CSMD3: variants seen among roughly 807,000 people sequenced by gnomAD.
CSMD3 encodes the protein CUB and Sushi multiple domains 3.
In CSMD3, 177 loss-of-function variants were observed where a neutral mutation model predicts 435.2. That is an observed-to-expected ratio of 0.41 (90% CI 0.36 to 0.46). The LOEUF (loss-of-function observed/expected upper bound fraction) is 0.46. Ranked by LOEUF, CSMD3 falls within the 20% of genes least tolerant of loss-of-function variation. The pLI is 0.34. For missense variants in CSMD3, 4,265 were observed against 4,504.6 expected (o/e 0.95, Z 1.52); for synonymous variants, 1,656 against 1,520.5 (o/e 1.09, Z -2.07).
At chr8:112,359,141 C>G (rs1481884366) in intron 38 of CSMD3, among the ~76,000 whole-genome samples, 3 of 152,096 alleles carry the variant, frequency 2.0e-5, no homozygotes, top group African/African-American at 4.8e-5. Flanking sequence ...TCAGGCTAAT[C>G]TAATGCATAT....
In CSMD3 at chr8:113,135,592, T is replaced by A. The variant is rs79915743; in HGVS notation, c.710-36629A>T. Among the ~76,000 whole-genome samples, 779 of 151,894 alleles carry A rather than the reference T, an allele frequency of 5.1e-3. 3 individuals are homozygous for A. The highest frequency in any genetic ancestry group is 8.2e-3 in the Non-Finnish European group (555 of 67,846). ...CCAGTGAGAGTATGTGTGTTTCTTA[T>A]CACTATATATTTAAAATATGTATTA... is the stretch of plus-strand genomic sequence containing the variant. On this transcript the variant is annotated intron_variant, in intron 4 of 70. Coordinates refer to ENST00000297405, the MANE Select transcript of CSMD3 (RefSeq NM_198123.2).
chr8:112,598,099 G>T (rs958845413), intron 22 of CSMD3, among the ~76,000 whole-genome samples: 20 of 148,616 alleles, frequency 1.3e-4, no homozygotes, highest in African/African-American at 4.5e-4. Context: ...CAGATGACAT[G>T]ATTGTATATC....
chr8:113,078,996 A>C (rs1452826242), intron 5 of CSMD3, among the ~76,000 whole-genome samples: 1 of 152,218 alleles, frequency 6.6e-6, no homozygotes, highest in Non-Finnish European at 1.5e-5. Flanking sequence ...GTTTAAAAAA[A>C]AGATGTTTGC....
At chr8:113,089,373 TA>T (rs2131501025) in intron 5 of CSMD3, among the ~76,000 whole-genome samples, 1 of 77,890 alleles carries the variant, frequency 1.3e-5, no homozygotes, top group East Asian at 2.2e-3. Flanking sequence ...CTAAGGTAGC[TA>T]TTTTTTTCTA....
intron 27 of CSMD3, among the ~76,000 whole-genome samples, chr8:112,526,013 T>C (rs538837079): frequency 1.3e-5 from 2 of 149,762 alleles, no homozygotes; most frequent in African/African-American, 2.4e-5. Flanking sequence ...GTTTGAACTT[T>C]CATTCTTCTA....
intron 1 of CSMD3, among the ~76,000 whole-genome samples, chr8:113,317,640 T>A (rs1466332205): frequency 2.0e-5 from 3 of 152,198 alleles, no homozygotes; most frequent in Non-Finnish European, 4.4e-5. Flanking sequence ...AAAGGAGTTT[T>A]AAATATTTTA....
intron 4 of CSMD3, among the ~76,000 whole-genome samples, chr8:113,131,848 C>A (rs2091291643): frequency 6.6e-6 from 1 of 152,214 alleles, no homozygotes; most frequent in Admixed American, 6.5e-5. Context: ...GGCAGAACTG[C>A]CCAAGGATTT....
intron 13 of CSMD3, among the ~76,000 whole-genome samples, chr8:112,745,093 C>T (rs1230484538): frequency 6.6e-6 from 1 of 152,028 alleles, no homozygotes; most frequent in Non-Finnish European, 1.5e-5. Context: ...GCAAAACAGA[C>T]CTGAAACAAA....
chr8:112,529,617 T>A (rs1825327199), intron 27 of CSMD3, among the ~76,000 whole-genome samples: 1 of 151,912 alleles, frequency 6.6e-6, no homozygotes, highest in African/African-American at 2.4e-5. Context: ...AATCCAGCTG[T>A]CTGTTTCTCC....
chr8:113,248,094 A>G (rs2093294730), intron 3 of CSMD3, among the ~76,000 whole-genome samples: 1 of 152,072 alleles, frequency 6.6e-6, no homozygotes, highest in South Asian at 2.1e-4. Flanking sequence ...AATCAAATTT[A>G]TTCCACTGAC....
At chr8:112,542,746 C>G (rs993166768) in intron 27 of CSMD3, among the ~76,000 whole-genome samples, 1 of 151,980 alleles carries the variant, frequency 6.6e-6, no homozygotes, top group Non-Finnish European at 1.5e-5. Context: ...CCAAAAATAA[C>G]TTGAATAGTC....
intron 3 of CSMD3, among the ~76,000 whole-genome samples, chr8:113,196,140 T>A (rs190669641): frequency 6.6e-6 from 1 of 151,320 alleles, no homozygotes; most frequent in African/African-American, 2.4e-5. Flanking sequence ...TTTTCTCTCT[T>A]AAGCTATTAG....
At chr8:112,318,993 G>T in intron 46 of CSMD3, 43 bp from the exon 47 acceptor site, 2 of 1,093,832 alleles carry the variant, frequency 1.8e-6, no homozygotes, top group Non-Finnish European at 2.8e-6. Flanking sequence ...GCAACAAGGT[G>T]ATGATAAAAA....
At chr8:113,034,752 C>T (rs934298132) in intron 5 of CSMD3, among the ~76,000 whole-genome samples, 2 of 151,948 alleles carry the variant, frequency 1.3e-5, no homozygotes, top group Non-Finnish European at 2.9e-5. Context: ...GAGAATATAC[C>T]ATGCAAATAT....
At chr8:113,086,476 C>A (rs1391557260) in intron 5 of CSMD3, among the ~76,000 whole-genome samples, 1 of 152,014 alleles carries the variant, frequency 6.6e-6, no homozygotes, top group African/African-American at 2.4e-5. Flanking sequence ...AATAACAATT[C>A]TTCATAAACA....
At chr8:113,252,676 A>G (rs1217434528) in intron 3 of CSMD3, among the ~76,000 whole-genome samples, 2 of 152,112 alleles carry the variant, frequency 1.3e-5, no homozygotes, top group Non-Finnish European at 2.9e-5. Flanking sequence ...TCTTGGGAAA[A>G]GATTTTGAAA....
At chr8:112,591,260 A>T (rs1048944945) in intron 22 of CSMD3, among the ~76,000 whole-genome samples, 1 of 152,130 alleles carries the variant, frequency 6.6e-6, no homozygotes, top group Non-Finnish European at 1.5e-5. Flanking sequence ...GCTGAATATG[A>T]AAATAATATG....
chr8:112,833,616 C>G (rs1179020450), intron 11 of CSMD3, among the ~76,000 whole-genome samples: 1 of 151,730 alleles, frequency 6.6e-6, no homozygotes, highest in Non-Finnish European at 1.5e-5. Flanking sequence ...AAAATGTTTA[C>G]TAGAACAGAT....
chr8:112,516,373 T>C (rs1166763999), intron 28 of CSMD3, among the ~76,000 whole-genome samples: 2 of 152,168 alleles, frequency 1.3e-5, no homozygotes. Flanking sequence ...AAGTTTAAGA[T>C]TAAACTAGTT....
Sources: allele counts gnomAD v4.1 joint callset (sites outside exome capture counted in the v4.1 genomes callset), GRCh38; gene constraint gnomAD v4.1.1; transcripts MANE v1.5; gene names NCBI Gene and HGNC (gene_info 2026-07-23, HGNC 2026-07-21).